The following TAF3 variants were observed in gnomAD, a reference collection of about 807,000 sequenced individuals.
TAF3 encodes transcription initiation factor TFIID subunit 3.
In TAF3, 7 loss-of-function variants were observed where a neutral mutation model predicts 80.6. The observed-to-expected ratio is 0.09, with a 90% CI of 0.05 to 0.16. TAF3 has a LOEUF of 0.16. Among genes scored for constraint, TAF3 ranks in the 10% least tolerant of loss-of-function variants. TAF3 has a pLI of 1.00. For synonymous variants in TAF3, 444 were observed against 446.1 expected, an observed-to-expected ratio of 1.00 and a Z score of 0.06; for missense variants, 921 against 1,140.2, an observed-to-expected ratio of 0.81 and a Z score of 2.77.
chr10:7,973,868 G>A (rs573138551), intron 3 of TAF3, among the ~76,000 whole-genome samples: 2 of 152,038 alleles, frequency 1.3e-5, no homozygotes, highest in South Asian at 2.1e-4. Flanking sequence ...GGTGGCTCAC[G>A]CCTGTTATCC....
At chr10:7,860,051 G>T (rs1413855105) in intron 2 of TAF3, among the ~76,000 whole-genome samples, 1 of 152,092 alleles carries the variant, frequency 6.6e-6, no homozygotes, top group African/African-American at 2.4e-5. Context: ...TGGGCAGATT[G>T]CTTGAGCTCA....
chr10:7,885,252 A>ACC (rs1401369481), intron 2 of TAF3, among the ~76,000 whole-genome samples: 4 of 147,094 alleles, frequency 2.7e-5, no homozygotes, highest in Non-Finnish European at 6.1e-5. Context: ...AAATTTTGAC[A>ACC]CACACACACA....
intron 3 of TAF3, among the ~76,000 whole-genome samples, chr10:7,966,448 C>T (rs407644): frequency 0.91 from 139,127 of 152,256 alleles, 63,665 homozygotes; most frequent in East Asian, 0.97. Context: ...ATAGAAACCC[C>T]GCAGTTTTGT....
In TAF3 at chr10:7,878,633, A is replaced by G. The variant is rs1174543148; in HGVS notation, c.409+54073A>G. Among the ~76,000 whole-genome samples, 4 of 152,316 alleles carry G rather than the reference A, an allele frequency of 2.6e-5. No homozygotes were observed. The East Asian group carries it at 7.7e-4, about 29-fold the overall frequency. ...AGGGAGTCCTGTAAGTGAGAAACCC[A>G]GAGGCCACTAGCTTATAGGAAATTC... On this transcript the variant is annotated intron_variant, in intron 2 of 6. Coordinates refer to ENST00000344293, the MANE Select transcript of TAF3 (RefSeq NM_031923.4).
In TAF3 at chr10:7,818,698, C is replaced by T; in HGVS notation, c.-12C>T. 6.2e-7 allele frequency: 1 copy of T among 1,602,326 alleles called. No homozygotes were observed. ...GTGGCAGCAAGGGCTGCGGTGGCGT[C>T]CACGCAGCGGGATGTGCGAGAGTTA... On this transcript the variant is annotated 5_prime_UTR_variant, in exon 1 of 7. Coordinates refer to ENST00000344293, the MANE Select transcript of TAF3 (RefSeq NM_031923.4).
chr10:7,879,871 ATGTAT>A (rs1282681661), intron 2 of TAF3, among the ~76,000 whole-genome samples: 25 of 152,350 alleles, frequency 1.6e-4, no homozygotes, highest in African/African-American at 4.6e-4. Context: ...AATTCCAAGT[ATGTAT>A]TTTATTTCCT....
At chr10:7,823,370 C>T (rs1163139367) in intron 1 of TAF3, among the ~76,000 whole-genome samples, 1 of 151,612 alleles carries the variant, frequency 6.6e-6, no homozygotes, top group Non-Finnish European at 1.5e-5. Flanking sequence ...TTGGCTCATG[C>T]CTGTTATCCC....
intron 2 of TAF3, among the ~76,000 whole-genome samples, chr10:7,852,309 G>A (rs1160541428): frequency 1.3e-5 from 2 of 152,170 alleles, no homozygotes; most frequent in Non-Finnish European, 2.9e-5. Context: ...TCTCTCAAAT[G>A]TTATAAACGT....
intron 2 of TAF3, among the ~76,000 whole-genome samples, chr10:7,903,488 T>A (rs1837579177): frequency 6.6e-6 from 1 of 152,204 alleles, no homozygotes; most frequent in African/African-American, 2.4e-5. Context: ...AATTTAAAAT[T>A]TTTAATAAGG....
At chr10:8,007,918 C>A (rs1372294240) in intron 4 of TAF3, among the ~76,000 whole-genome samples, 1 of 151,864 alleles carries the variant, frequency 6.6e-6, no homozygotes, top group Non-Finnish European at 1.5e-5. Flanking sequence ...ACTCAGATGT[C>A]CTGGCCCCAA....
chr10:7,890,713 G>A (rs1465722724), intron 2 of TAF3, among the ~76,000 whole-genome samples: 1 of 152,128 alleles, frequency 6.6e-6, no homozygotes, highest in Non-Finnish European at 1.5e-5. Flanking sequence ...AGCTTACAAA[G>A]CAATCAGTGC....
intron 4 of TAF3, among the ~76,000 whole-genome samples, chr10:8,008,728 C>T (rs536419057): frequency 2.0e-5 from 3 of 152,294 alleles, no homozygotes; most frequent in Non-Finnish European, 4.4e-5. Context: ...CCCCCGAGGA[C>T]TCAGCAGAGG....
chr10:7,931,266 C>G (rs1012434702), intron 2 of TAF3, among the ~76,000 whole-genome samples: 1 of 152,064 alleles, frequency 6.6e-6, no homozygotes, highest in African/African-American at 2.4e-5. Flanking sequence ...ATGAAGTCAC[C>G]GTGAAGTCAG....
intron 2 of TAF3, among the ~76,000 whole-genome samples, chr10:7,873,814 TATAG>T (rs758932573): frequency 6.6e-6 from 1 of 152,224 alleles, no homozygotes; most frequent in South Asian, 2.1e-4. Flanking sequence ...TAATGCTGTT[TATAG>T]ATAGAAAACT....
intron 2 of TAF3, among the ~76,000 whole-genome samples, chr10:7,903,519 T>C (rs917827604): frequency 3.9e-5 from 6 of 152,246 alleles, no homozygotes; most frequent in African/African-American, 1.4e-4. Context: ...TTAACTGTAT[T>C]GTAAGCCTGT....
rs1426321794 is a variant in TAF3, at chr10:8,009,417, C to G, written c.2568+87C>G. On this transcript the variant is annotated intron_variant, in intron 5 of 6. Transcript: ENST00000344293. This position sits in a 1 kb window ranked among gnomAD's most constrained non-coding sequence, Gnocchi z 4.1. ...CTCTGAATCACTATCGAATTTCAGA[C>G]GCATTTCTCTTCAAAATTTTATTAT... The G allele has an allele frequency of 2.1e-6, 3 of 1,443,224 alleles. No individual in the cohort carries two copies. The highest frequency in any genetic ancestry group is 4.9e-5 in the Admixed American group (2 of 40,462). The allele number at this position is 1,443,224 out of a possible 1,614,324, so 89.4% of individuals were successfully genotyped here.
intron 2 of TAF3, among the ~76,000 whole-genome samples, chr10:7,946,727 C>CAAAAAA (rs60415433): frequency 1.3e-5 from 2 of 150,554 alleles, no homozygotes; most frequent in African/African-American, 2.4e-5. Context: ...TGGTCTCAAA[C>CAAAAAA]GAAAAAAAAA....
intron 2 of TAF3, among the ~76,000 whole-genome samples, chr10:7,958,443 G>A (rs1050282447): frequency 2.0e-5 from 3 of 152,064 alleles, no homozygotes; most frequent in African/African-American, 7.2e-5. Flanking sequence ...AACTACAGCT[G>A]CCTGCATCAA....
chr10:7,903,563 C>G (rs1837579835), intron 2 of TAF3, among the ~76,000 whole-genome samples: 1 of 152,170 alleles, frequency 6.6e-6, no homozygotes. Context: ...GAAATAACTT[C>G]TTACCTATAA....
Sources: gnomAD v4.1 joint callset for allele counts (sites outside exome capture counted in the v4.1 genomes callset) on GRCh38, gnomAD v4.1.1 for gene constraint, Gnocchi (gnomAD v3.1) non-coding constraint, MANE v1.5 for transcripts, NCBI Gene and HGNC (gene_info 2026-07-23, HGNC 2026-07-21) for gene names.